The following DGKQ variants were observed in gnomAD, a reference collection of about 807,000 sequenced individuals.
DGKQ encodes DAG kinase theta.
Under a neutral mutation model 104.2 loss-of-function variants are expected in DGKQ, and 97 were observed. The observed-to-expected ratio is 0.93, with a 90% CI of 0.79 to 1.10. The LOEUF (loss-of-function observed/expected upper bound fraction) is 1.10, where lower values mean the gene tolerates loss of function less well. Ranked by LOEUF, DGKQ falls within the 50% of genes least tolerant of loss-of-function variation. The pLI, the probability that DGKQ is intolerant of heterozygous loss-of-function variation, is 0.00. For synonymous variants in DGKQ, 736 were observed against 595.2 expected (o/e 1.24, Z -3.44); for missense variants, 1,465 against 1,352.1 (o/e 1.08, Z -1.31).
chr4:966,944 A>G lies in DGKQ; in HGVS notation c.1311+20T>C. On this transcript the variant is annotated intron_variant, in intron 10 of 22. Transcript: ENST00000273814. ...CCCACCGAGTCTGGCCGGCATGGGG[A>G]GCAGGCACAGGGTACGCACCTGGCG... 2 of 1,554,246 alleles carry G rather than the reference A, an allele frequency of 1.3e-6. No individual in the cohort carries two copies. The highest frequency in any genetic ancestry group is 1.7e-6 in the Non-Finnish European group (2 of 1,150,474).
chr4:966,177 G>A, intron 12 of DGKQ, 99 bp from the exon 13 acceptor site: 2 of 1,255,014 alleles, frequency 1.6e-6, no homozygotes, highest in East Asian at 2.5e-5. Context: ...CAGGGCATCA[G>A]GAACACTCCC....
In DGKQ at chr4:971,033, A is replaced by G; in HGVS notation, c.311T>C (p.Val104Ala). Reference sequence around the variant, plus strand: ...TGCCACACTCGTGCACGGGATCCTCACGTGCTTCAGGCACTTCTCATGAGA... The same window carrying G: ...TGCCACACTCGTGCACGGGATCCTCGCGTGCTTCAGGCACTTCTCATGAGA... ...FMSHEKCLKH[V>A]RIPCTSVAPS... Residue 104 changes from valine to alanine, a missense_variant, in exon 2 of 23, where the codon GTG becomes GCG. Coordinates refer to ENST00000273814, the MANE Select transcript of DGKQ (RefSeq NM_001347.4). The surrounding 1 kb of genome is among the most constrained non-coding windows in gnomAD (Gnocchi z 4.0). 2 of 1,556,742 alleles carry G rather than the reference A, an allele frequency of 1.3e-6. No individual in the cohort carries two copies. Among genetic ancestry groups the G allele is most frequent in the Non-Finnish European group, 1.7e-6 (2 of 1,149,808 alleles).
At chr4:966,885 G>C (rs1007228555) in intron 10 of DGKQ, 79 bp downstream of exon 10, 102 of 1,555,130 alleles carry the variant, frequency 6.6e-5, no homozygotes, top group Non-Finnish European at 8.5e-5. Context: ...GCCTGGGCTG[G>C]GATGGTGGCC....
rs1322478716 is a variant in DGKQ at position 965,284 on chromosome 4, T to C, written c.1626A>G (p.Val542=). 2 of 1,612,006 alleles carry C rather than the reference T, an allele frequency of 1.2e-6. No homozygotes were observed. The highest frequency in any genetic ancestry group is 1.7e-6 in the Non-Finnish European group (2 of 1,179,616). ...CCGCAAAGCAGGCAACGTCCAACAC[T>C]ACCGCGCCTGCGGCAGGAGCCCAGG... ...VSHIYSSQGA[V]VLDVACFAEA... is the part of the protein sequence containing the mutation. The change falls in exon 15 of 23, where the codon GTA becomes GTG. Residue 542 remains valine, a synonymous_variant. Coordinates refer to ENST00000273814, the MANE Select transcript of DGKQ (RefSeq NM_001347.4).
chr4:968,981 C>T, intron 2 of DGKQ, 71 bp from the exon 3 acceptor site: 4 of 1,004,118 alleles, frequency 4.0e-6, no homozygotes, highest in Non-Finnish European at 5.8e-6. Flanking sequence ...CCTCGCTCTT[C>T]ACCTGCGCAA....
rs554130032 is a variant in DGKQ at position 971,654 on chromosome 4, G to C, written c.272-582C>G. Among the ~76,000 whole-genome samples, 1 of 152,102 alleles carries C rather than the reference G, an allele frequency of 6.6e-6. No individual in the cohort carries two copies. Among genetic ancestry groups the C allele is most frequent in the Non-Finnish European group, 1.5e-5 (1 of 67,998 alleles). The stretch of plus-strand genomic sequence containing the variant: ...ATAGGACCCAGGGAGCACCTGAGCC[G>C]GCGGGGTGCTCAGGAGGGCATAAGA... On this transcript the variant is annotated intron_variant, in intron 1 of 22. Transcript: ENST00000273814. This position sits in a 1 kb window ranked among gnomAD's most constrained non-coding sequence, Gnocchi z 4.0.
At chr4:966,235 C>T (rs1036113148) in intron 12 of DGKQ, 157 bp from the exon 13 acceptor site, 7 of 920,714 alleles carry the variant, frequency 7.6e-6, no homozygotes, top group Non-Finnish European at 1.1e-5. Flanking sequence ...CAGAGGCTTC[C>T]TTGCTGTGGA....
At chr4:962,224 G>T in intron 18 of DGKQ, 142 bp from the exon 19 acceptor site, 1 of 870,066 alleles carries the variant, frequency 1.1e-6, no homozygotes, top group Non-Finnish European at 1.8e-6. Context: ...GGCAGCATGG[G>T]CAGGTCCTGG....
At chr4:966,188 A>G (rs991788731) in intron 12 of DGKQ, 110 bp from the exon 13 acceptor site, 2 of 1,182,010 alleles carry the variant, frequency 1.7e-6, no homozygotes, top group South Asian at 1.5e-5. Flanking sequence ...GAACACTCCC[A>G]GGAATTAAGT....
chr4:960,729 A>AG lies in DGKQ; in HGVS notation c.2728-9dup. The AG allele has an allele frequency of 6.2e-7, 1 of 1,611,178 alleles. No individual in the cohort carries two copies. ...CTTCCTCAGCATGTGCACCTGTCCC[A>AG]GGGCAGGGGACAGAGGACCAGGGTG... On this transcript the variant is annotated splice_polypyrimidine_tract_variant and intron_variant, in intron 22 of 22. Transcript: ENST00000273814.
chr4:966,309 G>C (rs1018929480), intron 12 of DGKQ, 157 bp downstream of exon 12: 8 of 895,270 alleles, frequency 8.9e-6, no homozygotes, highest in Non-Finnish European at 1.4e-5. Context: ...TCCCTGCAGG[G>C]ACCAAGTAGC....
intron 15 of DGKQ, among the ~76,000 whole-genome samples, chr4:964,556 C>T (rs1430307118): frequency 6.6e-6 from 1 of 152,062 alleles, no homozygotes. Context: ...TGCCCTGTCT[C>T]CATGTTCCAG....
At chr4:968,749 TG>T in intron 3 of DGKQ, 61 bp downstream of exon 3, 2 of 1,486,288 alleles carry the variant, frequency 1.3e-6, no homozygotes, top group Middle Eastern at 2.3e-4. Flanking sequence ...AGGGGTGGGC[TG>T]GGCCACCCTG....
In DGKQ at chr4:961,450, C is replaced by G. The variant is rs1349250063; in HGVS notation, c.2574+17G>C. 6.3e-7 allele frequency: 1 copy of G among 1,576,260 alleles called. No homozygotes were observed. The highest frequency in any genetic ancestry group is 8.6e-7 in the Non-Finnish European group (1 of 1,164,556). ...CGCCCACCCTGGGCTCGCCCGCCCA[C>G]TCGGCCGGCGGCTCACCATGTGCAC... On this transcript the variant is annotated intron_variant, in intron 21 of 22. Transcript: ENST00000273814.
At chr4:965,147 G>A (rs777867143) in intron 15 of DGKQ, 29 bp downstream of exon 15, 2 of 1,599,536 alleles carry the variant, frequency 1.3e-6, no homozygotes, top group Non-Finnish European at 1.7e-6. Context: ...CCTGGGGTGT[G>A]TGAAGAGCCG....
intron 5 of DGKQ, 122 bp from the exon 6 acceptor site, chr4:968,149 G>A (rs1560518392): frequency 1.8e-6 from 1 of 554,114 alleles, no homozygotes; most frequent in South Asian, 3.5e-5. Flanking sequence ...CCTTCCTGCC[G>A]CCCGCCCCCG....
intron 13 of DGKQ, 151 bp from the exon 14 acceptor site, chr4:965,680 T>A (rs1712255083): frequency 1.1e-6 from 1 of 941,926 alleles, no homozygotes. Context: ...GGAGCAGGAC[T>A]CCCAGCTCCC....
rs750412054 is a variant in DGKQ, at chr4:967,560, C to T, written c.976G>A (p.Glu326Lys). Residue 326 changes from glutamate (E) to lysine (K), a missense_variant, in exon 8 of 23, where the codon GAG (glutamate) becomes AAG (lysine). By Grantham distance (56) the Glu-to-Lys change is moderately conservative. Transcript: ENST00000273814. ...AGCCTCCCCCTTACCAGCACCTCCT[C>T]GGCACCGGCCAGGCGGGACACCGTG... ...LVTVSRLAGA[E>K]EVLEAALRAH... is the part of the protein sequence containing the mutation. 11 of 1,612,322 alleles carry T rather than the reference C, an allele frequency of 6.8e-6. No homozygotes were observed. Among genetic ancestry groups the T allele is most frequent in the Middle Eastern group, 1.6e-4 (1 of 6,080 alleles).
Position 967,663 on chromosome 4 carries a change from G to A in DGKQ, c.887-14C>T, listed in dbSNP as rs774461006. 1 of 1,612,616 alleles carries A rather than the reference G, an allele frequency of 6.2e-7. No individual in the cohort carries two copies. The highest frequency in any genetic ancestry group is 2.2e-5 in the East Asian group (1 of 44,866). ...GCGTTTGCTTCCCTGGGCCGGGTAA[G>A]CTCCGTGAGTCCCGGGCGCCCGGGG... On this transcript the variant is annotated splice_polypyrimidine_tract_variant and intron_variant, in intron 7 of 22. Coordinates refer to ENST00000273814, the MANE Select transcript of DGKQ (RefSeq NM_001347.4).
Sources: gnomAD v4.1 joint callset for allele counts (sites outside exome capture counted in the v4.1 genomes callset) on GRCh38, gnomAD v4.1.1 for gene constraint, Gnocchi (gnomAD v3.1) non-coding constraint, MANE v1.5 for transcripts, NCBI Gene and HGNC (gene_info 2026-07-23, HGNC 2026-07-21) for gene names.